The following LRRC4C variants were observed in gnomAD, a reference collection of about 807,000 sequenced individuals.
LRRC4C encodes leucine-rich repeat-containing protein 4C.
LRRC4C carries 5 observed loss-of-function variants against 33.6 expected under a neutral mutation model. The ratio of observed to expected loss-of-function variants is 0.15; its 90% CI spans 0.08 to 0.31. LRRC4C has a LOEUF of 0.31. LRRC4C is among the 10% of genes least tolerant of loss of function. LRRC4C has a pLI of 1.00. For missense variants in LRRC4C, 560 were observed against 796.7 expected, an observed-to-expected ratio of 0.70 and a Z score of 3.58; for synonymous variants, 329 against 302.0, an observed-to-expected ratio of 1.09 and a Z score of -0.93.
At chr11:40,272,397 G>T (rs1270157445) in intron 4 of LRRC4C, among the ~76,000 whole-genome samples, 2 of 152,028 alleles carry the variant, frequency 1.3e-5, no homozygotes, top group East Asian at 3.9e-4. Flanking sequence ...AAAAGTTTAA[G>T]CCTACATAAA....
At chr11:40,765,484 G>C (rs1169555395) in intron 2 of LRRC4C, among the ~76,000 whole-genome samples, 5 of 152,068 alleles carry the variant, frequency 3.3e-5, no homozygotes, top group Non-Finnish European at 7.4e-5. Flanking sequence ...AGCAGTGTGA[G>C]AATGAATTGA....
chr11:41,337,793 A>C (rs944589857), intron 1 of LRRC4C, among the ~76,000 whole-genome samples: 1 of 152,230 alleles, frequency 6.6e-6, no homozygotes, highest in Non-Finnish European at 1.5e-5. Flanking sequence ...TCCATCTGAC[A>C]AAGGTCTAAT....
intron 1 of LRRC4C, among the ~76,000 whole-genome samples, chr11:40,936,074 T>C (rs1957884577): frequency 9.3e-6 from 1 of 107,118 alleles, no homozygotes; most frequent in African/African-American, 3.2e-5. Flanking sequence ...ATAACATAGT[T>C]TGAACCTTAA....
intron 4 of LRRC4C, among the ~76,000 whole-genome samples, chr11:40,266,391 A>G (rs1942258981): frequency 6.6e-6 from 1 of 152,090 alleles, no homozygotes; most frequent in Non-Finnish European, 1.5e-5. Flanking sequence ...AGTCCAAGAC[A>G]GGGAGGTCGA....
At position 41,336,249 on chromosome 11, in the gene LRRC4C, T is replaced by A. The variant is rs570735016; in HGVS notation, c.-496+123182A>T. On this transcript the variant is annotated intron_variant, in intron 1 of 6. Transcript: ENST00000528697. ...TATGAATTATAGACTTTCCTTTTTT[T>A]TTAAAAAAAAAAGTAAGGTCTTCCT... 3.4e-3 allele frequency among the ~76,000 whole-genome samples: 514 copies of A among 151,646 alleles called. 2 individuals are homozygous for A. Among genetic ancestry groups the A allele is most frequent in the African/African-American group, 0.011 (475 of 41,318 alleles).
chr11:41,396,095 C>T (rs1030324612), intron 1 of LRRC4C, among the ~76,000 whole-genome samples: 7 of 151,878 alleles, frequency 4.6e-5, no homozygotes, highest in Non-Finnish European at 7.4e-5. Flanking sequence ...AAGAGTGGCC[C>T]AAGACAAATT....
chr11:41,249,700 A>G (rs1948577966), intron 1 of LRRC4C, among the ~76,000 whole-genome samples: 1 of 152,148 alleles, frequency 6.6e-6, no homozygotes, highest in Non-Finnish European at 1.5e-5. Context: ...ATGTGCTTTC[A>G]TGAGGCTTCT....
intron 3 of LRRC4C, among the ~76,000 whole-genome samples, chr11:40,394,471 C>T (rs1050350462): frequency 3.3e-5 from 5 of 152,128 alleles, no homozygotes; most frequent in African/African-American, 7.2e-5. Context: ...TCGCTTTTCT[C>T]CATCATACAT....
chr11:40,864,753 G>C lies in LRRC4C; in HGVS notation c.-407+68882C>G, dbSNP rs537011085. On this transcript the variant is annotated intron_variant, in intron 2 of 6. Coordinates refer to ENST00000528697, the MANE Select transcript of LRRC4C (RefSeq NM_001258419.2). The stretch of plus-strand genomic sequence containing the variant: ...TAATCTGCACTGGCAAAGGAGATAT[G>C]ATATCTTTGTTCTATCTGGACTATG... Among the ~76,000 whole-genome samples the C allele has an allele frequency of 2.4e-4, 37 of 152,256 alleles. No individual in the cohort carries two copies. The South Asian group carries it at 7.3e-3, about 30-fold the overall frequency.
At chr11:41,285,631 A>C (rs1024674208) in intron 1 of LRRC4C, among the ~76,000 whole-genome samples, 1 of 152,120 alleles carries the variant, frequency 6.6e-6, no homozygotes, top group Non-Finnish European at 1.5e-5. Flanking sequence ...CATGGAAGAC[A>C]GTCCTACATG....
intron 1 of LRRC4C, among the ~76,000 whole-genome samples, chr11:41,237,896 T>C (rs952958540): frequency 4.6e-5 from 7 of 152,150 alleles, no homozygotes; most frequent in African/African-American, 1.7e-4. Context: ...AAACCTACCT[T>C]CACAATTTCA....
chr11:40,827,828 T>C (rs1318406294), intron 2 of LRRC4C, among the ~76,000 whole-genome samples: 3 of 151,772 alleles, frequency 2.0e-5, no homozygotes, highest in Non-Finnish European at 2.9e-5. Context: ...ATTTCATCTA[T>C]CAAGTGAATA....
At chr11:40,154,317 A>G (rs1275941931) in intron 5 of LRRC4C, among the ~76,000 whole-genome samples, 2 of 151,526 alleles carry the variant, frequency 1.3e-5, no homozygotes, top group African/African-American at 4.9e-5. Context: ...AAAGCAAAGT[A>G]CACAGGCAAC....
intron 2 of LRRC4C, among the ~76,000 whole-genome samples, chr11:40,893,522 A>G (rs1339479504): frequency 1.3e-5 from 2 of 152,126 alleles, no homozygotes; most frequent in African/African-American, 4.8e-5. Context: ...TTATGTGTAT[A>G]GACATAAATA....
chr11:40,170,819 A>T (rs1859985351), intron 5 of LRRC4C, among the ~76,000 whole-genome samples: 1 of 152,230 alleles, frequency 6.6e-6, no homozygotes, highest in African/African-American at 2.4e-5. Flanking sequence ...AAGTGAGAAT[A>T]TTTCTCTTTA....
intron 3 of LRRC4C, among the ~76,000 whole-genome samples, chr11:40,573,764 A>G (rs563765616): frequency 6.6e-6 from 1 of 152,330 alleles, no homozygotes; most frequent in Non-Finnish European, 1.5e-5. Flanking sequence ...ACAGAGGATA[A>G]CTTACTGCAC....
chr11:40,291,675 A>C (rs1212266674), intron 4 of LRRC4C, among the ~76,000 whole-genome samples: 1 of 151,792 alleles, frequency 6.6e-6, no homozygotes, highest in Non-Finnish European at 1.5e-5. Flanking sequence ...CCAAAAACCC[A>C]CCCTTTCTCC....
chr11:40,580,172 A>G (rs1327003770), intron 3 of LRRC4C, among the ~76,000 whole-genome samples: 2 of 152,090 alleles, frequency 1.3e-5, no homozygotes, highest in African/African-American at 4.8e-5. Context: ...CCGAAACTGA[A>G]TAATGGATAA....
intron 1 of LRRC4C, among the ~76,000 whole-genome samples, chr11:41,194,579 G>A (rs116948257): frequency 0.024 from 3,593 of 152,232 alleles, 51 homozygotes; most frequent in Middle Eastern, 0.078. Context: ...ACAGGCTCAT[G>A]TTAGAAGGAA....
Sources: allele counts gnomAD v4.1 joint callset (sites outside exome capture counted in the v4.1 genomes callset), GRCh38; gene constraint gnomAD v4.1.1; transcripts MANE v1.5; gene names NCBI Gene and HGNC (gene_info 2026-07-23, HGNC 2026-07-21).